ABCA10: variants seen among roughly 807,000 people sequenced by gnomAD.
ABCA10 encodes ATP-binding cassette sub-family A member 10.
Under a neutral mutation model 187.5 loss-of-function variants are expected in ABCA10, and 169 were observed. That is an observed-to-expected ratio of 0.90 (90% CI 0.80 to 1.02). ABCA10 has a LOEUF of 1.02. Among genes scored for constraint, ABCA10 ranks in the 50% least tolerant of loss-of-function variants. ABCA10 has a pLI of 0.00. For synonymous variants in ABCA10, 574 were observed against 601.8 expected (o/e 0.95, Z 0.68); for missense variants, 1,727 against 1,812.4 (o/e 0.95, Z 0.86).
intron 9 of ABCA10, among the ~76,000 whole-genome samples, chr17:69,209,598 A>C (rs556410886): frequency 1.4e-4 from 21 of 152,370 alleles, no homozygotes; most frequent in Admixed American, 4.6e-4. Context: ...GTAGGGTTTG[A>C]AAATAACAGT....
chr17:69,179,654 G>A (rs1243178338), intron 22 of ABCA10, among the ~76,000 whole-genome samples: 1 of 152,182 alleles, frequency 6.6e-6, no homozygotes, highest in Admixed American at 6.5e-5. Flanking sequence ...CTATCAGACT[G>A]CAGGTGATAA....
chr17:69,238,110 T>G (rs1411577218), intron 1 of ABCA10, among the ~76,000 whole-genome samples: 1 of 149,804 alleles, frequency 6.7e-6, no homozygotes, highest in Admixed American at 6.7e-5. Context: ...TGCAGTGAGC[T>G]GAGATCACGC....
In ABCA10 at chr17:69,201,656, T is replaced by C. The variant is rs916762942; in HGVS notation, c.1019A>G (p.His340Arg). The C allele has an allele frequency of 2.4e-5, 38 of 1,600,950 alleles. No homozygotes were observed. Among genetic ancestry groups the C allele is most frequent in the Non-Finnish European group, 3.1e-5 (37 of 1,175,514 alleles). The change falls in exon 10 of 39, where the codon CAT (histidine) becomes CGT (arginine). Residue 340 changes from histidine (H) to arginine (R), a missense_variant. His to Arg is a conservative substitution (Grantham distance 29). Coordinates refer to ENST00000690296, the MANE Select transcript of ABCA10 (RefSeq NM_001377321.1). The stretch of plus-strand genomic sequence containing the variant: ...AAGGAAAAATAATGGAGAATCCCCA[T>C]GGCCATCTTTATCTAATTAATTAAG... ...FERVLPDKDG[H>R]GDSPLFFLKS...
chr17:69,193,375 A>C, intron 14 of ABCA10, 118 bp downstream of exon 14: 2 of 1,500,404 alleles, frequency 1.3e-6, no homozygotes, highest in Admixed American at 4.5e-5. Flanking sequence ...ACAAGCTTGC[A>C]TGGTACTTTA....
At chr17:69,222,412 G>T in intron 4 of ABCA10, 121 bp downstream of exon 4, 1 of 847,542 alleles carries the variant, frequency 1.2e-6, no homozygotes, top group Non-Finnish European at 1.7e-6. Context: ...TGATGATTAA[G>T]TTCAGAGGGA....
chr17:69,183,322 C>T (rs1254290067), intron 20 of ABCA10, among the ~76,000 whole-genome samples: 1 of 152,028 alleles, frequency 6.6e-6, no homozygotes, highest in African/African-American at 2.4e-5. Flanking sequence ...CCATTGTGCC[C>T]ATTATTTTTC....
At chr17:69,203,852 T>G (rs959648586) in intron 9 of ABCA10, among the ~76,000 whole-genome samples, 3 of 152,322 alleles carry the variant, frequency 2.0e-5, no homozygotes, top group Non-Finnish European at 4.4e-5. Flanking sequence ...AAAAATAAAA[T>G]GATATTTTTA....
In ABCA10 at chr17:69,214,692, C is replaced by T. The variant is rs1425024185; in HGVS notation, c.1006+12G>A. ...TGCTTTAAATTTAACTTTAACCACA[C>T]TATTAACTTACCAGGTAAAACTCGC... is the stretch of plus-strand genomic sequence containing the variant. On this transcript the variant is annotated intron_variant, in intron 9 of 38. Coordinates refer to ENST00000690296, the MANE Select transcript of ABCA10 (RefSeq NM_001377321.1). 2.7e-6 allele frequency: 4 copies of T among 1,468,896 alleles called. No individual in the cohort carries two copies. The highest frequency in any genetic ancestry group is 3.0e-5 in the African/African-American group (2 of 67,078). The allele number at this position is 1,468,896 out of a possible 1,614,324, so 91.0% of individuals were successfully genotyped here.
rs532157179 is a variant in ABCA10 at position 69,153,014 on chromosome 17, T to G, written c.4136+291A>C. Reference sequence around the variant, plus strand: ...ATACAGAAACATCATACTATATGACTTTCAATAACTGAAAAATGAAATGGA... The same window carrying G: ...ATACAGAAACATCATACTATATGACGTTCAATAACTGAAAAATGAAATGGA... On this transcript the variant is annotated intron_variant, in intron 34 of 38. Coordinates refer to ENST00000690296, the MANE Select transcript of ABCA10 (RefSeq NM_001377321.1). Among the ~76,000 whole-genome samples the G allele has an allele frequency of 3.0e-4, 45 of 152,170 alleles. No homozygotes were observed. In the South Asian group the frequency reaches 8.9e-3, roughly 30 times the overall value.
At chr17:69,233,737 C>G (rs537287431), upstream of ABCA10, 1 of 152,368 alleles carries the variant, frequency 6.6e-6, no homozygotes, top group Non-Finnish European at 1.5e-5. Context: ...TCTAAGGAGA[C>G]TGACTGTTGT....
At chr17:69,162,838 C>CATATATAT (rs376385505) in intron 27 of ABCA10, among the ~76,000 whole-genome samples, 10 of 120,828 alleles carry the variant, frequency 8.3e-5, no homozygotes, top group East Asian at 5.0e-4. Flanking sequence ...TATACATATA[C>CATATATAT]ATATATATAT....
At chr17:69,241,634 C>G (rs1025257432) in intron 1 of ABCA10, among the ~76,000 whole-genome samples, 3 of 152,186 alleles carry the variant, frequency 2.0e-5, no homozygotes, top group African/African-American at 4.8e-5. Flanking sequence ...CTTGCAGTAC[C>G]AACTCACCTT....
At chr17:69,179,810 C>A (rs2074365352) in intron 22 of ABCA10, among the ~76,000 whole-genome samples, 1 of 152,186 alleles carries the variant, frequency 6.6e-6, no homozygotes, top group Non-Finnish European at 1.5e-5. Context: ...CTTTCTTCCT[C>A]CAGAGCTGGC....
intron 22 of ABCA10, among the ~76,000 whole-genome samples, chr17:69,177,972 A>T (rs1228324610): frequency 0.011 from 977 of 87,088 alleles, 40 homozygotes; most frequent in African/African-American, 0.026. Context: ...AAAAAAAAAA[A>T]AATATATATA....
At chr17:69,158,253 C>A (rs1311906347) in intron 27 of ABCA10, among the ~76,000 whole-genome samples, 2 of 151,382 alleles carry the variant, frequency 1.3e-5, no homozygotes, top group African/African-American at 4.9e-5. Flanking sequence ...AAGCCAATGT[C>A]ATAAAGCAAG....
chr17:69,183,048 A>T (rs2074392760), intron 20 of ABCA10, among the ~76,000 whole-genome samples: 2 of 152,184 alleles, frequency 1.3e-5, no homozygotes. Flanking sequence ...CATTTATCTT[A>T]TAATTCTCAC....
intron 15 of ABCA10, 35 bp downstream of exon 15, chr17:69,193,075 A>T: frequency 6.4e-7 from 1 of 1,561,396 alleles, no homozygotes; most frequent in Non-Finnish European, 8.6e-7. Context: ...TTAAATCCTT[A>T]AATAACTAGT....
At chr17:69,170,069 C>T (rs1193182716) in intron 25 of ABCA10, among the ~76,000 whole-genome samples, 1 of 152,032 alleles carries the variant, frequency 6.6e-6, no homozygotes, top group Admixed American at 6.6e-5. Flanking sequence ...AGGCGGGTCA[C>T]CTGAGGTCAG....
At chr17:69,229,340 T>A (rs1049097714), upstream of ABCA10, among the ~76,000 whole-genome samples, 1 of 152,014 alleles carries the variant, frequency 6.6e-6, no homozygotes, top group African/African-American at 2.4e-5. Context: ...GATCCCTCAC[T>A]CTTAACTACC....
Sources: allele counts gnomAD v4.1 joint callset (sites outside exome capture counted in the v4.1 genomes callset), GRCh38; gene constraint gnomAD v4.1.1; transcripts MANE v1.5; gene names NCBI Gene and HGNC (gene_info 2026-07-23, HGNC 2026-07-21).